The following NRXN1 variants were observed in gnomAD, a reference collection of about 807,000 sequenced individuals.
The protein encoded by NRXN1 is neurexin-1.
In NRXN1, 39 loss-of-function variants were observed where a neutral mutation model predicts 150.9. The observed-to-expected ratio is 0.26, with a 90% confidence interval of 0.20 to 0.34. NRXN1 has a LOEUF of 0.34. NRXN1 is among the 10% of genes least tolerant of loss of function. The probability of loss-of-function intolerance (pLI) is 1.00; values close to 1 mark genes in which losing one functional copy is unlikely to be tolerated. For synonymous variants in NRXN1, 924 were observed against 757.0 expected (o/e 1.22, Z -3.62); for missense variants, 1,815 against 1,949.9 (o/e 0.93, Z 1.30).
At chr2:50,442,992 T>C (rs1373089586) in intron 17 of NRXN1, among the ~76,000 whole-genome samples, 1 of 152,202 alleles carries the variant, frequency 6.6e-6, no homozygotes, top group African/African-American at 2.4e-5. Flanking sequence ...TTTGGCTACA[T>C]GCTTTCACGG....
intron 5 of NRXN1, among the ~76,000 whole-genome samples, chr2:50,871,633 T>A (rs546704917): frequency 1.3e-5 from 2 of 151,852 alleles, no homozygotes; most frequent in Non-Finnish European, 2.9e-5. Context: ...ATTTCAAATG[T>A]ATTTAAATTG....
intron 17 of NRXN1, among the ~76,000 whole-genome samples, chr2:50,318,340 C>G (rs1044735771): frequency 6.6e-6 from 1 of 152,034 alleles, no homozygotes; most frequent in Non-Finnish European, 1.5e-5. Context: ...AGTCATCATC[C>G]CCCAGTGGAC....
intron 8 of NRXN1, among the ~76,000 whole-genome samples, chr2:50,608,487 G>A (rs1677495925): frequency 2.0e-5 from 3 of 152,090 alleles, no homozygotes; most frequent in Admixed American, 1.3e-4. Context: ...TTGTTCATGG[G>A]CTTTATTTCC....
intron 18 of NRXN1, among the ~76,000 whole-genome samples, chr2:50,130,159 T>C (rs1705263720): frequency 6.6e-6 from 1 of 152,168 alleles, no homozygotes; most frequent in South Asian, 2.1e-4. Context: ...TCCCTAGTCT[T>C]GTTCTGATGT....
At chr2:50,038,489 T>C (rs1211398653) in intron 21 of NRXN1, among the ~76,000 whole-genome samples, 1 of 152,142 alleles carries the variant, frequency 6.6e-6, no homozygotes, top group Non-Finnish European at 1.5e-5. Context: ...TGAAAGTGAA[T>C]GGCATCCTAC....
intron 21 of NRXN1, among the ~76,000 whole-genome samples, chr2:49,989,259 T>G (rs1681500761): frequency 6.6e-6 from 1 of 152,200 alleles, no homozygotes. Context: ...GGATCTTTAC[T>G]TGAAAATCAC....
At chr2:50,695,956 T>A (rs1452735820) in intron 5 of NRXN1, among the ~76,000 whole-genome samples, 1 of 151,494 alleles carries the variant, frequency 6.6e-6, no homozygotes, top group Non-Finnish European at 1.5e-5. Context: ...GATTCTTCTG[T>A]CTCAGCCTCC....
intron 17 of NRXN1, among the ~76,000 whole-genome samples, chr2:50,359,863 T>C (rs921925031): frequency 2.0e-5 from 3 of 152,164 alleles, no homozygotes; most frequent in Non-Finnish European, 4.4e-5. Flanking sequence ...GAGAGAAAGG[T>C]TGGGCTACCC....
At chr2:50,695,687 G>A (rs959735280) in intron 5 of NRXN1, among the ~76,000 whole-genome samples, 1 of 152,122 alleles carries the variant, frequency 6.6e-6, no homozygotes, top group Non-Finnish European at 1.5e-5. Context: ...CTAGAACACG[G>A]TAATAAATGT....
intron 8 of NRXN1, among the ~76,000 whole-genome samples, chr2:50,570,168 T>C (rs1670450151): frequency 6.6e-6 from 1 of 152,088 alleles, no homozygotes; most frequent in African/African-American, 2.4e-5. Flanking sequence ...GGAATGTCTT[T>C]TAGAAACAAG....
At chr2:50,455,894 C>T (rs1483205166) in intron 17 of NRXN1, among the ~76,000 whole-genome samples, 1 of 152,182 alleles carries the variant, frequency 6.6e-6, no homozygotes, top group Non-Finnish European at 1.5e-5. Context: ...CAACAGCCTG[C>T]TTCTACCTAG....
intron 15 of NRXN1, among the ~76,000 whole-genome samples, chr2:50,487,376 A>G (rs1486595105): frequency 6.6e-6 from 1 of 152,218 alleles, no homozygotes; most frequent in African/African-American, 2.4e-5. Context: ...AAAAGGGGCC[A>G]CTTTTAAGAA....
intron 5 of NRXN1, among the ~76,000 whole-genome samples, chr2:50,678,835 T>C (rs577411744): frequency 1.3e-5 from 2 of 152,186 alleles, no homozygotes. Context: ...GCAAGATGAT[T>C]GAGCAGAGCA....
At chr2:50,547,162 T>C (rs1041429875) in intron 9 of NRXN1, among the ~76,000 whole-genome samples, 2 of 152,174 alleles carry the variant, frequency 1.3e-5, no homozygotes, top group African/African-American at 4.8e-5. Flanking sequence ...CAAATCTCAA[T>C]GGCTTCTTAG....
At chr2:50,633,465 T>C (rs779521348) in intron 5 of NRXN1, among the ~76,000 whole-genome samples, 7 of 152,032 alleles carry the variant, frequency 4.6e-5, no homozygotes, top group Non-Finnish European at 8.8e-5. Flanking sequence ...TGTAACTCCA[T>C]CCATTCGTGT....
Position 50,503,058 on chromosome 2 carries a change from G to T in NRXN1, c.2497+3437C>A, listed in dbSNP as rs112861143. On this transcript the variant is annotated intron_variant, in intron 13 of 22. Coordinates refer to ENST00000401669, the MANE Select transcript of NRXN1 (RefSeq NM_001330078.2). ...CACGGTGGCTCATGTCTGTAATCCCGGTACTTTGGGAGGCCAATATGGGTG... is the reference window on the plus strand; with the variant it reads ...CACGGTGGCTCATGTCTGTAATCCCTGTACTTTGGGAGGCCAATATGGGTG... 3.0e-3 allele frequency among the ~76,000 whole-genome samples: 450 copies of T among 152,062 alleles called. 3 individuals are homozygous for T. The highest frequency in any genetic ancestry group is 0.011 in the African/African-American group (436 of 41,492).
At chr2:50,859,789 C>A (rs188603720) in intron 5 of NRXN1, among the ~76,000 whole-genome samples, 1 of 151,454 alleles carries the variant, frequency 6.6e-6, no homozygotes, top group Non-Finnish European at 1.5e-5. Context: ...TATACACACA[C>A]GCACATATTA....
chr2:50,863,952 G>A (rs1399064903), intron 5 of NRXN1, among the ~76,000 whole-genome samples: 1 of 152,006 alleles, frequency 6.6e-6, no homozygotes, highest in Non-Finnish European at 1.5e-5. Context: ...TCCTCAGGTT[G>A]AAATGCCAAG....
intron 18 of NRXN1, among the ~76,000 whole-genome samples, chr2:50,106,896 A>G (rs1701718190): frequency 6.6e-6 from 1 of 151,990 alleles, no homozygotes; most frequent in Non-Finnish European, 1.5e-5. Flanking sequence ...TTTCCAATCT[A>G]TGTTACAAGA....
Sources: gnomAD v4.1 joint callset for allele counts (sites outside exome capture counted in the v4.1 genomes callset) on GRCh38, gnomAD v4.1.1 for gene constraint, MANE v1.5 for transcripts, NCBI Gene and HGNC (gene_info 2026-07-23, HGNC 2026-07-21) for gene names.